SPOCK1: variants seen among roughly 807,000 people sequenced by gnomAD.
The protein encoded by SPOCK1 is SPARC (osteonectin), cwcv and kazal like domains proteoglycan 1.
SPOCK1 carries 23 observed loss-of-function variants against 55.3 expected under a neutral mutation model. The observed-to-expected ratio is 0.42, with a 90% confidence interval of 0.30 to 0.59. The LOEUF (loss-of-function observed/expected upper bound fraction) is 0.59. Ranked by LOEUF, SPOCK1 falls within the 20% of genes least tolerant of loss-of-function variation. SPOCK1 has a pLI of 0.22. For missense variants in SPOCK1, 499 were observed against 552.5 expected (o/e 0.90, Z 0.97); for synonymous variants, 226 against 221.0 (o/e 1.02, Z -0.20).
intron 6 of SPOCK1, among the ~76,000 whole-genome samples, chr5:137,022,390 C>G (rs892543766): frequency 1.3e-5 from 2 of 152,100 alleles, no homozygotes; most frequent in Non-Finnish European, 2.9e-5. Flanking sequence ...CATAAGAGAC[C>G]CCAAGTGCAA....
intron 3 of SPOCK1, among the ~76,000 whole-genome samples, chr5:137,206,970 G>A (rs1755530175): frequency 6.6e-6 from 1 of 152,200 alleles, no homozygotes; most frequent in African/African-American, 2.4e-5. Context: ...TGATTCCAGA[G>A]GCCACATGCT....
intron 5 of SPOCK1, among the ~76,000 whole-genome samples, chr5:137,087,555 T>C (rs897617542): frequency 4.6e-5 from 7 of 152,226 alleles, no homozygotes; most frequent in Admixed American, 1.3e-4. Context: ...TCTCTCACTC[T>C]CAAAAATCCT....
At chr5:137,437,674 A>G (rs1334230587) in intron 2 of SPOCK1, among the ~76,000 whole-genome samples, 1 of 152,252 alleles carries the variant, frequency 6.6e-6, no homozygotes, top group East Asian at 1.9e-4. Flanking sequence ...TATAATTTGT[A>G]AAGATCAAAT....
In SPOCK1 at chr5:136,997,292, T is replaced by C. The variant is rs905144199; in HGVS notation, c.590-4692A>G. On this transcript the variant is annotated intron_variant, in intron 6 of 10. Coordinates refer to ENST00000394945, the MANE Select transcript of SPOCK1 (RefSeq NM_004598.4). The stretch of plus-strand genomic sequence containing the variant: ...TTGTCCTGGTTCACAGTGAAAAAGT[T>C]CACTGCTTCTTATCTCCACTGCCTC... Among the ~76,000 whole-genome samples the C allele has an allele frequency of 5.3e-5, 8 of 152,154 alleles. No individual in the cohort carries two copies. In the East Asian group the frequency reaches 1.5e-3, roughly 29 times the overall value.
At chr5:137,169,356 G>A (rs977075174) in intron 3 of SPOCK1, among the ~76,000 whole-genome samples, 2 of 152,300 alleles carry the variant, frequency 1.3e-5, no homozygotes, top group Middle Eastern at 3.4e-3. Context: ...TAACACAAAG[G>A]ATAAGTGCTT....
chr5:137,287,412 C>A (rs112708412), intron 2 of SPOCK1, among the ~76,000 whole-genome samples: 1,825 of 152,322 alleles, frequency 0.012, 39 homozygotes, highest in African/African-American at 0.041. Context: ...CTTGCAGTGA[C>A]AATGCTGGCA....
intron 6 of SPOCK1, among the ~76,000 whole-genome samples, chr5:137,008,192 G>A (rs1455260206): frequency 6.6e-6 from 1 of 151,834 alleles, no homozygotes; most frequent in African/African-American, 2.4e-5. Flanking sequence ...TAATGTAGAC[G>A]ACAGGTTGAT....
At chr5:137,132,132 G>A (rs1753897912) in intron 4 of SPOCK1, among the ~76,000 whole-genome samples, 1 of 130,750 alleles carries the variant, frequency 7.6e-6, no homozygotes, top group African/African-American at 3.0e-5. Context: ...CAGATATAGT[G>A]CCACTGCACT....
intron 6 of SPOCK1, among the ~76,000 whole-genome samples, chr5:137,016,477 A>G (rs997257498): frequency 2.6e-5 from 4 of 152,358 alleles, no homozygotes; most frequent in Non-Finnish European, 4.4e-5. Flanking sequence ...CATTTCCCAA[A>G]TAAGAAGACC....
At chr5:137,287,421 C>G (rs1757291111) in intron 2 of SPOCK1, among the ~76,000 whole-genome samples, 1 of 152,212 alleles carries the variant, frequency 6.6e-6, no homozygotes, top group Non-Finnish European at 1.5e-5. Flanking sequence ...ACAATGCTGG[C>G]AAAGGGTCCT....
In SPOCK1 at chr5:136,988,685, T is replaced by C. The variant is rs765627186; in HGVS notation, c.707-42A>G. The C allele has an allele frequency of 1.5e-5, 23 of 1,569,740 alleles. No individual in the cohort carries two copies. In the Admixed American group the frequency reaches 3.7e-4, roughly 25 times the overall value. On this transcript the variant is annotated intron_variant, in intron 7 of 10. Coordinates refer to ENST00000394945, the MANE Select transcript of SPOCK1 (RefSeq NM_004598.4). Reference sequence around the variant, plus strand: ...ATATCTCAGCTGCCACCAAGCCTGATGCTTTCCTCCCTGCTCACTCCCCAG... The same window carrying C: ...ATATCTCAGCTGCCACCAAGCCTGACGCTTTCCTCCCTGCTCACTCCCCAG...
At chr5:137,230,039 T>C (rs1756019767) in intron 3 of SPOCK1, among the ~76,000 whole-genome samples, 1 of 152,162 alleles carries the variant, frequency 6.6e-6, no homozygotes, top group East Asian at 1.9e-4. Flanking sequence ...GACTCGCCCA[T>C]GCTCCACTCT....
intron 2 of SPOCK1, among the ~76,000 whole-genome samples, chr5:137,437,282 A>T (rs545840600): frequency 6.6e-6 from 1 of 152,332 alleles, no homozygotes; most frequent in African/African-American, 2.4e-5. Context: ...CTGAGCCAAG[A>T]CAGAGATATC....
intron 2 of SPOCK1, among the ~76,000 whole-genome samples, chr5:137,271,561 A>G (rs1469376719): frequency 1.5e-5 from 1 of 67,214 alleles, no homozygotes; most frequent in East Asian, 3.9e-4. Flanking sequence ...TCTCTTCATC[A>G]CAGATGATCA....
At chr5:137,249,644 T>C (rs1297391276) in intron 3 of SPOCK1, among the ~76,000 whole-genome samples, 1 of 152,230 alleles carries the variant, frequency 6.6e-6, no homozygotes, top group Admixed American at 6.5e-5. Flanking sequence ...TTATGTACTT[T>C]TGAAGTATTT....
intron 5 of SPOCK1, among the ~76,000 whole-genome samples, chr5:137,092,236 A>G (rs888703819): frequency 9.9e-5 from 15 of 152,230 alleles, no homozygotes; most frequent in African/African-American, 3.1e-4. Flanking sequence ...TACAAATACA[A>G]AATTAATCTA....
At chr5:137,035,937 G>C (rs1316442379) in intron 6 of SPOCK1, among the ~76,000 whole-genome samples, 1 of 152,176 alleles carries the variant, frequency 6.6e-6, no homozygotes, top group Non-Finnish European at 1.5e-5. Context: ...GATTAACCAG[G>C]GATTGAGGCA....
intron 2 of SPOCK1, among the ~76,000 whole-genome samples, chr5:137,313,067 G>T (rs1293677938): frequency 2.0e-5 from 3 of 152,142 alleles, no homozygotes; most frequent in African/African-American, 7.2e-5. Context: ...CTAGACCCAG[G>T]AGAACACAAT....
Position 137,347,548 on chromosome 5 carries a change from C to T in SPOCK1, c.187-80493G>A, listed in dbSNP as rs529509817. Among the ~76,000 whole-genome samples, 92 of 152,192 alleles carry T rather than the reference C, an allele frequency of 6.0e-4. 1 individual carries two copies. Among genetic ancestry groups the T allele is most frequent in the African/African-American group, 2.1e-3 (89 of 41,520 alleles). ...CAGCCTGGCCAACATGGTGAAACCC[C>T]ATCTCCACTAAAAATACAAAAAATT... On this transcript the variant is annotated intron_variant, in intron 2 of 10. Coordinates refer to ENST00000394945, the MANE Select transcript of SPOCK1 (RefSeq NM_004598.4).
Sources: allele counts gnomAD v4.1 joint callset (sites outside exome capture counted in the v4.1 genomes callset), GRCh38; gene constraint gnomAD v4.1.1; transcripts MANE v1.5; gene names NCBI Gene and HGNC (gene_info 2026-07-23, HGNC 2026-07-21).